Variants in BAG2 observed in about 807,000 individuals in gnomAD.
BAG2 encodes the protein BAG family molecular chaperone regulator 2.
BAG2 carries 8 observed loss-of-function variants against 16.4 expected under a neutral mutation model. That is an observed-to-expected ratio of 0.49 (90% confidence interval 0.29 to 0.88). BAG2 has a LOEUF of 0.88. Among genes scored for constraint, BAG2 ranks in the 40% least tolerant of loss-of-function variants. The probability of loss-of-function intolerance (pLI) is 0.09; values close to 1 mark genes in which losing one functional copy is unlikely to be tolerated. For synonymous variants in BAG2, 82 were observed against 89.2 expected (o/e 0.92, Z 0.46); for missense variants, 218 against 248.9 (o/e 0.88, Z 0.84).
Position 57,172,675 on chromosome 6 carries a change from G to A in BAG2, c.-23G>A, listed in dbSNP as rs770943553. The A allele has an allele frequency of 4.6e-6, 7 of 1,507,278 alleles. No homozygotes were observed. Among genetic ancestry groups the A allele is most frequent in the South Asian group, 2.5e-5 (2 of 79,868 alleles). The allele number at this position is 1,507,278 out of a possible 1,614,324, so 93.4% of individuals were successfully genotyped here. On this transcript the variant is annotated 5_prime_UTR_variant, in exon 1 of 3. Coordinates refer to ENST00000370693, the MANE Select transcript of BAG2 (RefSeq NM_004282.4). ...CGCCGGAGGGGCCGGTGACCTCTTGGCTACCCCGCGTCGGAGGCTTAGATG... is the reference window on the plus strand; with the variant it reads ...CGCCGGAGGGGCCGGTGACCTCTTGACTACCCCGCGTCGGAGGCTTAGATG...
At position 57,188,925 on chromosome 6, in the gene BAG2, A is replaced by G. The variant is rs931746824; in HGVS notation, c.*4735A>G. 2.6e-5 allele frequency: 4 copies of G among 152,184 alleles called. No individual in the cohort carries two copies. 9.4% of individuals were successfully genotyped at this position (152,184 alleles called of 1,614,324 possible). ...GGGAGTACAGATGGAAAAACAAAAG[A>G]TAAAACACAAAAGGAGTACATAAAA... is the stretch of plus-strand genomic sequence containing the variant. On this transcript the variant is annotated 3_prime_UTR_variant, in exon 3 of 3. Transcript: ENST00000370693.
In BAG2 at chr6:57,172,499, C is replaced by T. The variant is rs1764149361; in HGVS notation, c.-199C>T. On this transcript the variant is annotated 5_prime_UTR_variant, in exon 1 of 3. Transcript: ENST00000370693. ...CCTCCCAGGCCCGGCGTCCCCGAGC[C>T]CCGCGGGCGCCGCGCCTGCCCTTCT... is the stretch of plus-strand genomic sequence containing the variant. 9.5e-6 allele frequency: 4 copies of T among 420,950 alleles called. No individual in the cohort carries two copies. In the South Asian group the frequency reaches 1.6e-4, roughly 17 times the overall value. 26.1% of individuals were successfully genotyped at this position (420,950 alleles called of 1,614,324 possible).
intron 1 of BAG2, among the ~76,000 whole-genome samples, chr6:57,181,186 C>CA (rs1374918162): frequency 1.3e-5 from 2 of 152,152 alleles, no homozygotes; most frequent in Non-Finnish European, 2.9e-5. Flanking sequence ...GCAGAGTACA[C>CA]ATACCCTTTG....
At chr6:57,183,198 G>A (rs1455700224) in intron 2 of BAG2, among the ~76,000 whole-genome samples, 1 of 152,186 alleles carries the variant, frequency 6.6e-6, no homozygotes, top group Non-Finnish European at 1.5e-5. Context: ...AGTTACAGAA[G>A]CAGGAGCTTG....
rs985757532 is a variant in BAG2 at position 57,184,557 on chromosome 6, C to G, written c.*367C>G. Reference sequence around the variant, plus strand: ...GCAGTCACCTTGGGCATTTAGTTTACTAGAAATTCTTTACCTTAAGCAGCA... The same window carrying G: ...GCAGTCACCTTGGGCATTTAGTTTAGTAGAAATTCTTTACCTTAAGCAGCA... On this transcript the variant is annotated 3_prime_UTR_variant, in exon 3 of 3. Coordinates refer to ENST00000370693, the MANE Select transcript of BAG2 (RefSeq NM_004282.4). The G allele has an allele frequency of 6.2e-6, 1 of 161,112 alleles. No individual in the cohort carries two copies. The highest frequency in any genetic ancestry group is 1.4e-5 in the Non-Finnish European group (1 of 73,888). 10.0% of individuals were successfully genotyped at this position (161,112 alleles called of 1,614,324 possible). A position where few individuals can be genotyped will look rare whatever the true frequency, so the allele number is the denominator to read the frequency against.
At chr6:57,173,173 C>T (rs1328421801) in intron 1 of BAG2, 2 of 1,002,838 alleles carry the variant, frequency 2.0e-6, no homozygotes, top group African/African-American at 3.5e-5. Context: ...GTCTGCAGAA[C>T]TTCTAGAACC....
Position 57,177,667 on chromosome 6 carries a change from C to T in BAG2, c.114-4365C>T, listed in dbSNP as rs148199532. On this transcript the variant is annotated intron_variant, in intron 1 of 2. Coordinates refer to ENST00000370693, the MANE Select transcript of BAG2 (RefSeq NM_004282.4). ...GCTATCAGTCACTGTTAAACTCTAC[C>T]TGCTTTACTTCATTTAGTCACAAGC... 3.9e-3 allele frequency among the ~76,000 whole-genome samples: 598 copies of T among 152,212 alleles called. 4 individuals are homozygous for T. Among genetic ancestry groups the T allele is most frequent in the Non-Finnish European group, 6.3e-3 (426 of 68,008 alleles).
Position 57,172,605 on chromosome 6 carries a change from T to A in BAG2, c.-93T>A. 9.3e-7 allele frequency: 1 copy of A among 1,075,406 alleles called. No homozygotes were observed. The highest frequency in any genetic ancestry group is 1.2e-6 in the Non-Finnish European group (1 of 805,314). 66.6% of individuals were successfully genotyped at this position (1,075,406 alleles called of 1,614,324 possible). On this transcript the variant is annotated 5_prime_UTR_variant, in exon 1 of 3. Transcript: ENST00000370693. ...GTCAGAGGGAGGGCGGGCGCCCGCG[T>A]GGTGACGGCGACGCCTGCAGCCCAA...
chr6:57,186,170 GAC>G lies in BAG2; in HGVS notation c.*1982_*1983del, dbSNP rs1764608074. The G allele has an allele frequency of 6.6e-6, 1 of 152,112 alleles. No individual in the cohort carries two copies. Among genetic ancestry groups the G allele is most frequent in the African/African-American group, 2.4e-5 (1 of 41,382 alleles). The allele number at this position is 152,112 out of a possible 1,614,324, so 9.4% of individuals were successfully genotyped here. A position where few individuals can be genotyped will look rare whatever the true frequency, so the allele number is the denominator to read the frequency against. On this transcript the variant is annotated 3_prime_UTR_variant, in exon 3 of 3. Coordinates refer to ENST00000370693, the MANE Select transcript of BAG2 (RefSeq NM_004282.4). ...CACCCAGGCTGTCTGACAAGTAGAA[GAC>G]ATATCCACTGTAGCAAGGAACACTA...
chr6:57,181,466 C>T (rs907729663), intron 1 of BAG2, among the ~76,000 whole-genome samples: 1 of 152,098 alleles, frequency 6.6e-6, no homozygotes, highest in Non-Finnish European at 1.5e-5. Flanking sequence ...CTGCGGTGGG[C>T]AGATCACTTG....
rs1015394834 is a variant in BAG2 at position 57,174,481 on chromosome 6, G to A, written c.113+1671G>A. On this transcript the variant is annotated intron_variant, in intron 1 of 2. Coordinates refer to ENST00000370693, the MANE Select transcript of BAG2 (RefSeq NM_004282.4). ...TATTATATTCTACTGTTTGATTAAT[G>A]TAAAATGAATTCTGATTGCACATCA... is the stretch of plus-strand genomic sequence containing the variant. 1.3e-4 allele frequency: 144 copies of A among 1,085,308 alleles called. No individual in the cohort carries two copies. In the Admixed American group the frequency reaches 3.6e-3, roughly 27 times the overall value. The allele number at this position is 1,085,308 out of a possible 1,614,324, so 67.2% of individuals were successfully genotyped here. A position where few individuals can be genotyped will look rare whatever the true frequency, so the allele number is the denominator to read the frequency against.
chr6:57,182,509 T>G (rs1593195846), intron 2 of BAG2, among the ~76,000 whole-genome samples: 8 of 114,934 alleles, frequency 7.0e-5, no homozygotes, highest in Admixed American at 4.8e-4. Flanking sequence ...GGTGAGAGAG[T>G]GGAAGCAGAG....
intron 1 of BAG2, among the ~76,000 whole-genome samples, chr6:57,180,015 G>A (rs1030748641): frequency 1.3e-5 from 2 of 151,072 alleles, no homozygotes; most frequent in African/African-American, 4.9e-5. Flanking sequence ...CAGATGATAT[G>A]GATATGATTA....
chr6:57,178,178 T>C (rs1297833969), intron 1 of BAG2, among the ~76,000 whole-genome samples: 1 of 152,176 alleles, frequency 6.6e-6, no homozygotes, highest in Non-Finnish European at 1.5e-5. Context: ...TAAAGTGAGA[T>C]GGTCCAACAT....
intron 1 of BAG2, among the ~76,000 whole-genome samples, chr6:57,178,888 A>AT (rs936027999): frequency 2.0e-5 from 3 of 152,080 alleles, no homozygotes; most frequent in African/African-American, 7.2e-5. Context: ...GGCTTATTAT[A>AT]TTTTTTCTAG....
intron 1 of BAG2, among the ~76,000 whole-genome samples, chr6:57,175,273 C>T (rs1157390436): frequency 6.6e-6 from 1 of 152,210 alleles, no homozygotes; most frequent in Admixed American, 6.5e-5. Flanking sequence ...GATTCTCTCT[C>T]TCTGTATATA....
At chr6:57,173,724 T>G (rs1280852631) in intron 1 of BAG2, 1 of 182,108 alleles carries the variant, frequency 5.5e-6, no homozygotes, top group East Asian at 1.9e-4. Flanking sequence ...TAAAAGAAAA[T>G]CTTGTTAGGC....
intron 1 of BAG2, among the ~76,000 whole-genome samples, chr6:57,178,879 G>A (rs977564701): frequency 6.6e-6 from 1 of 152,170 alleles, no homozygotes; most frequent in African/African-American, 2.4e-5. Context: ...CATATGACAG[G>A]CTTATTATAT....
intron 1 of BAG2, chr6:57,173,610 T>A: frequency 1.4e-6 from 1 of 734,092 alleles, no homozygotes; most frequent in Non-Finnish European, 1.7e-6. Flanking sequence ...AATTTAATGT[T>A]AATAGATTTT....
Sources: allele counts gnomAD v4.1 joint callset (sites outside exome capture counted in the v4.1 genomes callset), GRCh38; gene constraint gnomAD v4.1.1; transcripts MANE v1.5; gene names NCBI Gene and HGNC (gene_info 2026-07-23, HGNC 2026-07-21).